BACC1: variants seen among roughly 807,000 people sequenced by gnomAD.
The protein encoded by BACC1 is BPTF-associated chromatin complex component 1.
At chr17:7,015,118 G>A in the BACC1 span, 48 of 1,583,590 alleles carry the variant, frequency 3.0e-5, no homozygotes, top group Non-Finnish European at 3.8e-5. Context: ...GGGAGCTGAC[G>A]ATGCAGCTGC....
chr17:7,014,824 G>A, the BACC1 span: 54 of 1,527,596 alleles, frequency 3.5e-5, no homozygotes, highest in East Asian at 1.4e-3. The surrounding 1 kb of genome is among the most constrained non-coding windows in gnomAD (Gnocchi z 4.5). Flanking sequence ...TGTAGCGGCG[G>A]CGGCGGCGTC....
chr17:7,015,722 G>A, the BACC1 span: 1 of 1,545,186 alleles, frequency 6.5e-7, no homozygotes. Context: ...CTGTGGGCGG[G>A]CTCCACACCC....
At chr17:7,015,034 G>C in the BACC1 span, 4 of 1,464,974 alleles carry the variant, frequency 2.7e-6, no homozygotes, top group African/African-American at 4.5e-5. Flanking sequence ...GCGGGCGCCG[G>C]CCCCCCGTGA....
the BACC1 span, chr17:7,016,006 C>G: frequency 1.4e-6 from 1 of 694,658 alleles, no homozygotes; most frequent in Non-Finnish European, 2.4e-6. Flanking sequence ...TTTAGAATCC[C>G]CTTGAGGACT....
chr17:7,014,947 G>T, the BACC1 span: 1 of 1,479,776 alleles, frequency 6.8e-7, no homozygotes, highest in Non-Finnish European at 8.9e-7. The surrounding 1 kb of genome is among the most constrained non-coding windows in gnomAD (Gnocchi z 4.5). Flanking sequence ...TTGGCTCGCG[G>T]CTCTTCCGCC....
the BACC1 span, chr17:7,015,038 C>G: frequency 1.1e-5 from 16 of 1,481,966 alleles, no homozygotes; most frequent in Non-Finnish European, 1.3e-5. Flanking sequence ...GCGCCGGCCC[C>G]CCGTGACGCT....
chr17:7,014,967 G>T, the BACC1 span: 1 of 1,446,870 alleles, frequency 6.9e-7, no homozygotes, highest in Non-Finnish European at 9.1e-7. This position sits in a 1 kb window ranked among gnomAD's most constrained non-coding sequence, Gnocchi z 4.5. Context: ...CCCGGGCGGG[G>T]GGCGGGCGGG....
chr17:7,017,014 G>C, the BACC1 span: 1 of 1,609,704 alleles, frequency 6.2e-7, no homozygotes, highest in Non-Finnish European at 8.5e-7. Flanking sequence ...CTTCGACCAG[G>C]GTAGGAGTCC....
the BACC1 span, chr17:7,017,457 C>A: frequency 1.2e-6 from 1 of 813,180 alleles, no homozygotes; most frequent in South Asian, 1.4e-5. Flanking sequence ...CATCTGCCCC[C>A]AACCCCTTTG....
the BACC1 span, chr17:7,015,584 G>A: frequency 1.4e-6 from 2 of 1,405,456 alleles, no homozygotes; most frequent in Non-Finnish European, 1.9e-6. Context: ...CTTGTGATTG[G>A]GGTCCTCCCG....
the BACC1 span, chr17:7,014,960 G>A: frequency 2.8e-6 from 4 of 1,451,846 alleles, no homozygotes; most frequent in Middle Eastern, 2.1e-4. The surrounding 1 kb of genome is among the most constrained non-coding windows in gnomAD (Gnocchi z 4.5). Context: ...CTTCCGCCCC[G>A]GGCGGGGGGC....
chr17:7,014,870 T>C, the BACC1 span: 1 of 1,538,170 alleles, frequency 6.5e-7, no homozygotes, highest in Non-Finnish European at 8.7e-7. This position sits in a 1 kb window ranked among gnomAD's most constrained non-coding sequence, Gnocchi z 4.5. Flanking sequence ...GACGTCAGCG[T>C]CCACAAAGGT....
the BACC1 span, chr17:7,015,161 G>C: frequency 1.9e-6 from 3 of 1,568,546 alleles, no homozygotes; most frequent in Non-Finnish European, 8.6e-7. Flanking sequence ...TGCGGGGTAC[G>C]TGAGCCCGGA....
chr17:7,015,958 T>C, the BACC1 span: 1 of 1,149,366 alleles, frequency 8.7e-7, no homozygotes, highest in Non-Finnish European at 1.3e-6. Flanking sequence ...TCAGAACTCC[T>C]TTCCAGCTCA....
the BACC1 span, chr17:7,014,810 C>A: frequency 7.2e-6 from 11 of 1,524,030 alleles, no homozygotes; most frequent in Admixed American, 2.0e-5. The surrounding 1 kb of genome is among the most constrained non-coding windows in gnomAD (Gnocchi z 4.5). Flanking sequence ...GGTCCCGGCT[C>A]GCGTGTAGCG....
At chr17:7,017,358 C>T in the BACC1 span, 1 of 1,573,006 alleles carries the variant, frequency 6.4e-7, no homozygotes, top group Non-Finnish European at 8.8e-7. Flanking sequence ...TCATGCCGGA[C>T]CTGTGGATCT....
At chr17:7,015,318 G>A in the BACC1 span, 5 of 1,377,888 alleles carry the variant, frequency 3.6e-6, no homozygotes, top group African/African-American at 1.5e-5. Context: ...GGGAATGAAT[G>A]ACAGATAAAA....
the BACC1 span, chr17:7,016,472 A>G: frequency 6.2e-7 from 1 of 1,608,384 alleles, no homozygotes; most frequent in Non-Finnish European, 8.5e-7. Flanking sequence ...CTCCTTTCCT[A>G]ACCTCTTCTC....
the BACC1 span, chr17:7,016,136 G>A: frequency 1.9e-6 from 1 of 524,546 alleles, no homozygotes; most frequent in Non-Finnish European, 3.4e-6. Flanking sequence ...GAAGTCCCCT[G>A]GTTATTTATA....
Sources: gnomAD v4.1 joint callset for allele counts on GRCh38, gnomAD v4.1.1 for gene constraint, Gnocchi (gnomAD v3.1) non-coding constraint, MANE v1.5 for transcripts, NCBI Gene and HGNC (gene_info 2026-07-23, HGNC 2026-07-21) for gene names.